ENPP1: variants seen among roughly 807,000 people sequenced by gnomAD.
ENPP1 encodes ectonucleotide pyrophosphatase/phosphodiesterase 1.
In ENPP1, 73 loss-of-function variants were observed where a neutral mutation model predicts 122.8. The ratio of observed to expected loss-of-function variants is 0.59; its 90% CI spans 0.49 to 0.72. ENPP1 has a LOEUF of 0.72. ENPP1 is among the 30% of genes least tolerant of loss of function. The pLI, the probability that ENPP1 is intolerant of heterozygous loss-of-function variation, is 0.00. For missense variants in ENPP1, 978 were observed against 1,128.1 expected (o/e 0.87, Z 1.91); for synonymous variants, 367 against 391.6 (o/e 0.94, Z 0.74).
At chr6:131,846,677 AG>A (rs1269978954) in intron 1 of ENPP1, among the ~76,000 whole-genome samples, 1 of 152,116 alleles carries the variant, frequency 6.6e-6, no homozygotes, top group Non-Finnish European at 1.5e-5. Flanking sequence ...AAACCCCTTG[AG>A]CTATCTCTTA....
intron 24 of ENPP1, 82 bp downstream of exon 24, chr6:131,886,806 C>T: frequency 8.2e-7 from 1 of 1,212,930 alleles, no homozygotes; most frequent in Non-Finnish European, 1.2e-6. Flanking sequence ...TCTGACATTA[C>T]AGTGAGAGAA....
intron 4 of ENPP1, 197 bp downstream of exon 4, chr6:131,851,464 T>A: frequency 1.7e-6 from 1 of 594,400 alleles, no homozygotes; most frequent in Non-Finnish European, 2.9e-6. Context: ...ATGAACATTA[T>A]ACCCATCACC....
chr6:131,854,891 T>A (rs773321237), intron 5 of ENPP1, 35 bp from the exon 6 acceptor site: 6 of 1,469,650 alleles, frequency 4.1e-6, no homozygotes, highest in Non-Finnish European at 5.7e-6. Flanking sequence ...TGTCTTTGCT[T>A]CTTTAAACAT....
chr6:131,864,106 T>TA (rs1349743830), intron 9 of ENPP1, among the ~76,000 whole-genome samples: 3 of 152,180 alleles, frequency 2.0e-5, no homozygotes, highest in African/African-American at 7.2e-5. Flanking sequence ...GCTCAGGAAA[T>TA]ACTGCGTAGA....
At chr6:131,872,622 G>A (rs1283258769) in intron 14 of ENPP1, among the ~76,000 whole-genome samples, 1 of 151,970 alleles carries the variant, frequency 6.6e-6, no homozygotes, top group Non-Finnish European at 1.5e-5. Flanking sequence ...GAGTTCTGGG[G>A]CTTTTATGCA....
intron 7 of ENPP1, among the ~76,000 whole-genome samples, chr6:131,859,080 A>C (rs1053967249): frequency 6.6e-6 from 1 of 152,186 alleles, no homozygotes. Flanking sequence ...AAACCTTCCC[A>C]AACTCCTGTG....
At chr6:131,858,876 CAGG>C in intron 7 of ENPP1, 129 bp downstream of exon 7, 1 of 745,108 alleles carries the variant, frequency 1.3e-6, no homozygotes, top group South Asian at 1.5e-5. Context: ...TAAGGAAACC[CAGG>C]TTCTGATCTT....
intron 2 of ENPP1, 139 bp downstream of exon 2, chr6:131,847,987 G>A (rs1298350066): frequency 1.6e-6 from 1 of 643,398 alleles, no homozygotes; most frequent in Non-Finnish European, 2.6e-6. Context: ...ATTCAACGCT[G>A]GCTTGAGCCT....
At position 131,829,846 on chromosome 6, in the gene ENPP1, A is replaced by G. The variant is rs113044693; in HGVS notation, c.241-17930A>G. Among the ~76,000 whole-genome samples, 156 of 152,274 alleles carry G rather than the reference A, an allele frequency of 1.0e-3. 3 individuals carry two copies. The South Asian group carries it at 0.021, about 21-fold the overall frequency. On this transcript the variant is annotated intron_variant, in intron 1 of 24. Transcript: ENST00000647893. ...CAGATGCAGCCACTGCAGGGGTCCC[A>G]CCCGGAGCAGGGAGGACAAGGTAGA...
At chr6:131,883,837 CATATGT>C in intron 22 of ENPP1, 63 bp downstream of exon 22, 1 of 832,386 alleles carries the variant, frequency 1.2e-6, no homozygotes, top group Non-Finnish European at 2.1e-6. Flanking sequence ...AGGCATAATT[CATATGT>C]AATAGGACTT....
rs1782169468 is a variant in ENPP1, at chr6:131,872,095, TC to T, written c.1432del (p.Leu478PhefsTer14). On this transcript the variant is annotated frameshift_variant, in exon 14 of 25. Coordinates refer to ENST00000647893, the MANE Select transcript of ENPP1 (RefSeq NM_006208.3). LOFTEE classifies it high-confidence loss of function. ...TTAACTATGAAGGCATTGCCCGAAA[TC>T]TTTCTGTGAGTATCTTTATTTTCCA... is the stretch of plus-strand genomic sequence containing the variant. ...SFNYEGIARN[L>X]SCREPNQHFK... 6.3e-7 allele frequency: 1 copy of T among 1,588,186 alleles called. No individual in the cohort carries two copies. The highest frequency in any genetic ancestry group is 1.3e-5 in the African/African-American group (1 of 74,398).
At chr6:131,819,058 C>G (rs2114656780) in intron 1 of ENPP1, among the ~76,000 whole-genome samples, 1 of 152,202 alleles carries the variant, frequency 6.6e-6, no homozygotes, top group South Asian at 2.1e-4. Context: ...GATCCTTACA[C>G]AAAATTGATG....
chr6:131,866,141 A>T (rs67619761), intron 11 of ENPP1, among the ~76,000 whole-genome samples: 7,318 of 152,250 alleles, frequency 0.048, 266 homozygotes, highest in African/African-American at 0.1. Context: ...TGGGTCATGA[A>T]AAAAGTGAAA....
intron 1 of ENPP1, among the ~76,000 whole-genome samples, chr6:131,839,874 C>A (rs755968552): frequency 3.3e-5 from 5 of 152,030 alleles, no homozygotes; most frequent in Non-Finnish European, 5.9e-5. Flanking sequence ...GGCTGTATAA[C>A]AGTTATATAA....
chr6:131,887,053 C>T (rs531510719), intron 24 of ENPP1, among the ~76,000 whole-genome samples: 1 of 151,478 alleles, frequency 6.6e-6, no homozygotes, highest in South Asian at 2.1e-4. Context: ...TGTGAGCCAC[C>T]CTGCCTGGCC....
At position 131,893,623 on chromosome 6, in the gene ENPP1, GA is replaced by G. The variant is rs1365224053; in HGVS notation, c.*3116del. ...TTAGTTATAATAATCTGTTCTTAAA[GA>G]AAATGTCAGTCTCTACATTCTATGC... On this transcript the variant is annotated 3_prime_UTR_variant, in exon 25 of 25. Coordinates refer to ENST00000647893, the MANE Select transcript of ENPP1 (RefSeq NM_006208.3). 1.3e-5 allele frequency: 2 copies of G among 152,190 alleles called. No individual in the cohort carries two copies. The highest frequency in any genetic ancestry group is 6.5e-5 in the Admixed American group (1 of 15,276). 9.4% of individuals were successfully genotyped at this position (152,190 alleles called of 1,614,324 possible).
intron 1 of ENPP1, among the ~76,000 whole-genome samples, chr6:131,822,455 C>A (rs958941504): frequency 6.6e-6 from 1 of 151,520 alleles, no homozygotes; most frequent in East Asian, 1.9e-4. Flanking sequence ...CAATATTTTC[C>A]CCATTGCTAT....
intron 1 of ENPP1, among the ~76,000 whole-genome samples, chr6:131,845,468 T>TA (rs1491439378): frequency 9.0e-5 from 12 of 133,882 alleles, no homozygotes; most frequent in Non-Finnish European, 1.6e-4. Context: ...TTTTTTTTTT[T>TA]AATTTTTTTT....
At chr6:131,826,194 C>T in intron 1 of ENPP1, 1 of 902,378 alleles carries the variant, frequency 1.1e-6, no homozygotes, top group East Asian at 2.4e-5. Context: ...AGCTACTTTT[C>T]CCCAAAGGTA....
Sources: allele counts gnomAD v4.1 joint callset (sites outside exome capture counted in the v4.1 genomes callset), GRCh38; gene constraint gnomAD v4.1.1; transcripts MANE v1.5; gene names NCBI Gene and HGNC (gene_info 2026-07-23, HGNC 2026-07-21).